The following ELN variants were observed in gnomAD, a reference collection of about 807,000 sequenced individuals.
ELN encodes elastin.
A neutral mutation model predicts 105.8 loss-of-function variants in ELN; 65 were observed. The ratio of observed to expected loss-of-function variants is 0.61; its 90% CI spans 0.50 to 0.75. The LOEUF (loss-of-function observed/expected upper bound fraction) is 0.75, where lower values mean the gene tolerates loss of function less well. Among genes scored for constraint, ELN ranks in the 30% least tolerant of loss-of-function variants. The pLI is 0.00. For synonymous variants in ELN, 368 were observed against 389.2 expected (o/e 0.95, Z 0.64); for missense variants, 882 against 969.4 (o/e 0.91, Z 1.20).
At chr7:74,037,897 G>A (rs1799229189) in intron 4 of ELN, 158 bp downstream of exon 4, 2 of 1,120,318 alleles carry the variant, frequency 1.8e-6, no homozygotes, top group Non-Finnish European at 1.3e-6. Context: ...GCCTCCCAAG[G>A]ATGAGTAGGC....
chr7:74,045,168 C>T, intron 9 of ELN, 54 bp from the exon 10 acceptor site: 1 of 1,608,172 alleles, frequency 6.2e-7, no homozygotes, highest in Non-Finnish European at 8.5e-7. Flanking sequence ...GAGGGGTTCC[C>T]AGCAGGGCCT....
At chr7:74,051,337 C>T (rs113603832) in intron 15 of ELN, among the ~76,000 whole-genome samples, 5 of 152,156 alleles carry the variant, frequency 3.3e-5, no homozygotes, top group South Asian at 4.1e-4. Flanking sequence ...AATGTGGGAG[C>T]GGGAGAGCAG....
Position 74,043,799 on chromosome 7 carries a change from G to A in ELN, c.428-80G>A, listed in dbSNP as rs530591686. On this transcript the variant is annotated intron_variant, in intron 8 of 32. Coordinates refer to ENST00000252034, the MANE Select transcript of ELN (RefSeq NM_000501.4). ...AGGCTGTGGGTTTGAGGGCCTTGGAGCTGCCTGGGTGGGAAGGGCTGGGGA... is the reference window on the plus strand; with the variant it reads ...AGGCTGTGGGTTTGAGGGCCTTGGAACTGCCTGGGTGGGAAGGGCTGGGGA... 1.5e-4 allele frequency: 235 copies of A among 1,576,590 alleles called. 1 individual carries two copies. In the African/African-American group the frequency reaches 2.9e-3, roughly 19 times the overall value.
chr7:74,037,342 T>G (rs1188294316), intron 3 of ELN, among the ~76,000 whole-genome samples: 1 of 151,798 alleles, frequency 6.6e-6, no homozygotes, highest in Non-Finnish European at 1.5e-5. Flanking sequence ...TACAGGCACA[T>G]GCCACCACGC....
chr7:74,067,173 C>T (rs1259271014), intron 32 of ELN, among the ~76,000 whole-genome samples: 1 of 152,118 alleles, frequency 6.6e-6, no homozygotes, highest in Non-Finnish European at 1.5e-5. Context: ...GTAATCCCAG[C>T]CCTTTGGGAG....
intron 4 of ELN, among the ~76,000 whole-genome samples, chr7:74,040,201 C>A (rs190209806): frequency 6.6e-6 from 1 of 152,366 alleles, no homozygotes; most frequent in African/African-American, 2.4e-5. Flanking sequence ...CCCCTCCCAG[C>A]CCCTCTGTGG....
At chr7:74,034,950 A>C (rs1336483156) in intron 1 of ELN, among the ~76,000 whole-genome samples, 3 of 151,948 alleles carry the variant, frequency 2.0e-5, no homozygotes, top group Non-Finnish European at 4.4e-5. Flanking sequence ...AAAATACAGA[A>C]ATTAGCCGTG....
In ELN at chr7:74,063,044, T is replaced by G. The variant is rs1584000038; in HGVS notation, c.1787-109T>G. The G allele has an allele frequency of 4.4e-6, 6 of 1,372,832 alleles. No homozygotes were observed. In the East Asian group the frequency reaches 1.5e-4, roughly 34 times the overall value. The allele number at this position is 1,372,832 out of a possible 1,614,324, so 85.0% of individuals were successfully genotyped here. ...GACTGGACTTCCTGTCCACTGCTCC[T>G]CCACAGTGTCACATGGCCCCTGCCA... is the stretch of plus-strand genomic sequence containing the variant. On this transcript the variant is annotated intron_variant, in intron 26 of 32. Transcript: ENST00000252034. The surrounding 1 kb of genome is among the most constrained non-coding windows in gnomAD (Gnocchi z 4.1).
At chr7:74,029,533 G>A (rs1186713787) in intron 1 of ELN, among the ~76,000 whole-genome samples, 3 of 152,150 alleles carry the variant, frequency 2.0e-5, no homozygotes, top group Non-Finnish European at 4.4e-5. Context: ...ACGCTGAGTG[G>A]GGGGCGGGAG....
intron 26 of ELN, among the ~76,000 whole-genome samples, chr7:74,061,458 C>T (rs536379366): frequency 1.3e-5 from 2 of 151,822 alleles, no homozygotes; most frequent in South Asian, 4.2e-4. Context: ...TCCAGACCAG[C>T]CTGACCAATA....
intron 1 of ELN, among the ~76,000 whole-genome samples, chr7:74,029,496 G>A (rs1003801984): frequency 8.5e-5 from 13 of 152,112 alleles, no homozygotes; most frequent in Admixed American, 3.9e-4. Flanking sequence ...TGGTTTCCTC[G>A]GGAGTCCTCC....
At position 74,046,693 on chromosome 7, in the gene ELN, C is replaced by T; in HGVS notation, c.572-3C>T. On this transcript the variant is annotated splice_polypyrimidine_tract_variant and splice_region_variant and intron_variant, in intron 11 of 32. Coordinates refer to ENST00000252034, the MANE Select transcript of ELN (RefSeq NM_000501.4). ...CCTGAACTTGCTCTCTTTATTCCCA[C>T]AGGAGTTGGACCCTTTGGGGGACCG... 6.2e-7 allele frequency: 1 copy of T among 1,614,188 alleles called. No homozygotes were observed. The highest frequency in any genetic ancestry group is 8.5e-7 in the Non-Finnish European group (1 of 1,180,016).
chr7:74,043,192 G>A lies in ELN; in HGVS notation c.427+24G>A, dbSNP rs1377564880. The A allele has an allele frequency of 2.4e-5, 38 of 1,570,900 alleles. No individual in the cohort carries two copies. In the East Asian group the frequency reaches 8.5e-4, roughly 35 times the overall value. On this transcript the variant is annotated intron_variant, in intron 8 of 32. Coordinates refer to ENST00000252034, the MANE Select transcript of ELN (RefSeq NM_000501.4). ...GGGTCAGTGCGGAATCCCTGGGGCT[G>A]GAGGACAGAGGGCAGGGAGGGGCAG...
chr7:74,041,295 C>G (rs879985013), intron 5 of ELN, 44 bp downstream of exon 5: 1 of 1,612,574 alleles, frequency 6.2e-7, no homozygotes, highest in Non-Finnish European at 8.5e-7. Context: ...TGGGGACCAG[C>G]CCCTGAGCTC....
chr7:74,045,480 T>C (rs533446069), intron 10 of ELN, among the ~76,000 whole-genome samples, 187 bp downstream of exon 10: 1 of 152,300 alleles, frequency 6.6e-6, no homozygotes, highest in African/African-American at 2.4e-5. Flanking sequence ...GGCTCACACC[T>C]GTAATCCCAG....
chr7:74,042,638 C>T lies in ELN; in HGVS notation c.257C>T (p.Thr86Ile). The T allele has an allele frequency of 6.2e-7, 1 of 1,613,668 alleles. No individual in the cohort carries two copies. Among genetic ancestry groups the T allele is most frequent in the Non-Finnish European group, 8.5e-7 (1 of 1,180,010 alleles). The change falls in exon 6 of 33, where the codon ACC becomes ATC. Residue 86 changes from threonine (T) to isoleucine (I), a missense_variant. By Grantham distance (89) the Thr-to-Ile change is moderately conservative (BLOSUM62 -1). Transcript: ENST00000252034. The part of the protein sequence containing the change: ...GAGLGAFPAV[T>I]FPGALVPGGV... The stretch of plus-strand genomic sequence containing the variant: ...GGGCTCGGCGCCTTCCCCGCAGTTA[C>T]CTTTCCGGGGGCTCTGGTGCCTGGT...
At chr7:74,061,179 C>A (rs1365510830) in intron 26 of ELN, 40 bp downstream of exon 26, 2 of 1,613,210 alleles carry the variant, frequency 1.2e-6, no homozygotes, top group Non-Finnish European at 1.7e-6. Flanking sequence ...CCCTTGCCAC[C>A]ACACCATCCC....
In ELN at chr7:74,063,223, G is replaced by A; in HGVS notation, c.1857G>A (p.Val619=). The change falls in exon 27 of 33, where the codon GTG becomes GTA. Residue 619 remains valine, a splice_region_variant and synonymous_variant. Transcript: ENST00000252034. This position sits in a 1 kb window ranked among gnomAD's most constrained non-coding sequence, Gnocchi z 4.1. ...LGGVGIPGGV[V]GAGPAAAAAA... is the part of the protein sequence containing the mutation. ...GAGTAGGCATCCCAGGCGGTGTGGT[G>A]GGTGAGTTGAAACCCCAGGAGGGGC... 6.2e-7 allele frequency: 1 copy of A among 1,607,392 alleles called. No individual in the cohort carries two copies. Among genetic ancestry groups the A allele is most frequent in the Non-Finnish European group, 8.5e-7 (1 of 1,178,138 alleles).
At chr7:74,056,126 G>C in intron 19 of ELN, 145 bp from the exon 20 acceptor site, 1 of 1,044,550 alleles carries the variant, frequency 9.6e-7, no homozygotes, top group Middle Eastern at 2.2e-4. Context: ...AGGTGCTGGG[G>C]ACCCAGGCAT....
Sources: gnomAD v4.1 joint callset for allele counts (sites outside exome capture counted in the v4.1 genomes callset) on GRCh38, gnomAD v4.1.1 for gene constraint, Gnocchi (gnomAD v3.1) non-coding constraint, MANE v1.5 for transcripts, NCBI Gene and HGNC (gene_info 2026-07-23, HGNC 2026-07-21) for gene names.